CPNE3: variants seen among roughly 807,000 people sequenced by gnomAD.
CPNE3 encodes copine-3.
Under a neutral mutation model 63.9 loss-of-function variants are expected in CPNE3, and 68 were observed. That is an observed-to-expected ratio of 1.06 (90% CI 0.87 to 1.30). The LOEUF is 1.30. Ranked by LOEUF, CPNE3 falls within the 50% of genes most tolerant of loss-of-function variation. CPNE3 has a pLI of 0.00. For missense variants in CPNE3, 665 were observed against 578.1 expected, an observed-to-expected ratio of 1.15 and a Z score of -1.54; for synonymous variants, 219 against 197.5, an observed-to-expected ratio of 1.11 and a Z score of -0.91.
intron 2 of CPNE3, among the ~76,000 whole-genome samples, chr8:86,525,751 C>T (rs1820527683): frequency 6.6e-6 from 1 of 152,154 alleles, no homozygotes; most frequent in Non-Finnish European, 1.5e-5. Flanking sequence ...GAAGACTTTT[C>T]TGCTGGCTGG....
intron 6 of CPNE3, among the ~76,000 whole-genome samples, chr8:86,533,944 T>C (rs1344681182): frequency 6.6e-6 from 1 of 152,154 alleles, no homozygotes; most frequent in African/African-American, 2.4e-5. Flanking sequence ...TGGAGAAAAC[T>C]GATTTCTTTA....
At chr8:86,532,149 C>G (rs1370079964) in intron 5 of CPNE3, among the ~76,000 whole-genome samples, 2 of 152,152 alleles carry the variant, frequency 1.3e-5, no homozygotes, top group Non-Finnish European at 2.9e-5. Context: ...ATAGAGTATT[C>G]TAGGTATGAT....
At chr8:86,539,660 G>GTTT (rs369540210) in intron 7 of CPNE3, among the ~76,000 whole-genome samples, 4,281 of 108,086 alleles carry the variant, frequency 0.04, 491 homozygotes, top group African/African-American at 0.067. Context: ...ATCCTCCGCA[G>GTTT]TTTTTTTTTT....
intron 14 of CPNE3, among the ~76,000 whole-genome samples, chr8:86,553,470 T>C (rs1237179532): frequency 6.6e-6 from 1 of 152,176 alleles, no homozygotes; most frequent in African/African-American, 2.4e-5. Context: ...ATTTTTACTG[T>C]AAAGACATAG....
At chr8:86,530,170 CTTTTTT>C (rs71275863) in intron 4 of CPNE3, among the ~76,000 whole-genome samples, 1 of 122,630 alleles carries the variant, frequency 8.2e-6, no homozygotes. Context: ...AAATTGAATC[CTTTTTT>C]TTTTTTTTTT....
At chr8:86,547,513 A>G (rs147992043) in intron 10 of CPNE3, 198 bp from the exon 11 acceptor site, 4 of 513,780 alleles carry the variant, frequency 7.8e-6, no homozygotes, top group East Asian at 6.7e-5. Context: ...TAACATTGCT[A>G]CAATTATCTT....
At chr8:86,524,681 A>ATTTTTTTTT (rs33934876) in intron 2 of CPNE3, 16 of 106,086 alleles carry the variant, frequency 1.5e-4, no homozygotes, top group East Asian at 2.7e-4. Context: ...CCTCATCATA[A>ATTTTTTTTT]TTTTTTTTTT....
intron 6 of CPNE3, among the ~76,000 whole-genome samples, chr8:86,533,946 A>G (rs980354845): frequency 1.3e-5 from 2 of 151,932 alleles, no homozygotes; most frequent in South Asian, 4.1e-4. Context: ...GAGAAAACTG[A>G]TTTCTTTATC....
intron 10 of CPNE3, 157 bp from the exon 11 acceptor site, chr8:86,547,553 TA>T (rs3217491): frequency 0.24 from 136,492 of 569,064 alleles, 17,698 homozygotes; most frequent in Non-Finnish European, 0.27. Flanking sequence ...TCATGGCACA[TA>T]GGGGAAGGGG....
chr8:86,553,749 G>GTT (rs35185836), intron 14 of CPNE3, among the ~76,000 whole-genome samples: 12,934 of 137,608 alleles, frequency 0.094, 849 homozygotes, highest in East Asian at 0.33. Flanking sequence ...TTTACATTAA[G>GTT]TTTTTTTTTT....
chr8:86,542,593 A>G (rs1379240978), intron 8 of CPNE3, among the ~76,000 whole-genome samples: 1 of 151,782 alleles, frequency 6.6e-6, no homozygotes, highest in Non-Finnish European at 1.5e-5. Context: ...ATATGAATAC[A>G]TGTATATATT....
chr8:86,536,208 A>G (rs1282238279), intron 6 of CPNE3, among the ~76,000 whole-genome samples: 1 of 150,230 alleles, frequency 6.7e-6, no homozygotes, highest in Non-Finnish European at 1.5e-5. Context: ...GTGTGTATGT[A>G]TACTCATGTG....
At chr8:86,550,081 A>C (rs1019275483) in intron 12 of CPNE3, among the ~76,000 whole-genome samples, 2 of 152,258 alleles carry the variant, frequency 1.3e-5, no homozygotes, top group Non-Finnish European at 2.9e-5. Context: ...GTTTTAGAAG[A>C]AAGTGTATGT....
intron 10 of CPNE3, 65 bp from the exon 11 acceptor site, chr8:86,547,646 A>G (rs1162882801): frequency 1.3e-6 from 1 of 757,898 alleles, no homozygotes; most frequent in East Asian, 2.6e-5. Flanking sequence ...AATATATGCC[A>G]AAGAGTTTTT....
chr8:86,516,220 T>G (rs1309993487), intron 2 of CPNE3, among the ~76,000 whole-genome samples: 1 of 152,156 alleles, frequency 6.6e-6, no homozygotes, highest in Non-Finnish European at 1.5e-5. Flanking sequence ...AAGTCTGCAG[T>G]TCTCTTTCAG....
In CPNE3 at chr8:86,558,647, T is replaced by C. The variant is rs1351065918; in HGVS notation, c.*237T>C. ...CAATTTACATTAATTGCAGTAAAGC[T>C]CTTTGGATTAGAAATTAGTGTGGGG... On this transcript the variant is annotated 3_prime_UTR_variant, in exon 17 of 17. Transcript: ENST00000517490. 4.9e-6 allele frequency: 2 copies of C among 411,362 alleles called. No individual in the cohort carries two copies. The highest frequency in any genetic ancestry group is 4.0e-5 in the South Asian group (1 of 24,808). The allele number at this position is 411,362 out of a possible 1,614,324, so 25.5% of individuals were successfully genotyped here. A position where few individuals can be genotyped will look rare whatever the true frequency, so the allele number is the denominator to read the frequency against.
At position 86,559,621 on chromosome 8, in the gene CPNE3, G is replaced by A. The variant is rs1470205836; in HGVS notation, c.*1211G>A. 2 of 151,728 alleles carry A rather than the reference G, an allele frequency of 1.3e-5. No individual in the cohort carries two copies. Among genetic ancestry groups the A allele is most frequent in the Non-Finnish European group, 2.9e-5 (2 of 67,988 alleles). The allele number at this position is 151,728 out of a possible 1,614,324, so 9.4% of individuals were successfully genotyped here. ...CTTTTCCAACTGCTGCATTAAGATA[G>A]GGTGGATTTTATGTGCTTTTTTTTT... On this transcript the variant is annotated 3_prime_UTR_variant, in exon 17 of 17. Coordinates refer to ENST00000517490, the MANE Select transcript of CPNE3 (RefSeq NM_003909.5).
chr8:86,548,339 G>T lies in CPNE3; in HGVS notation c.918G>T (p.Arg306Ser). 10 of 1,614,108 alleles carry T rather than the reference G, an allele frequency of 6.2e-6. No homozygotes were observed. Among genetic ancestry groups the T allele is most frequent in the Non-Finnish European group, 8.5e-6 (10 of 1,180,002 alleles). ...TCACTGGCTCCAATGGTGACCCAAG[G>T]TCTCCAGACTCCCTTCATTACATCA... ...VDFTGSNGDPRSPDSLHYISP... is the reference protein window; with the variant it reads ...VDFTGSNGDPSSPDSLHYISP... The change falls in exon 12 of 17, where the codon AGG (arginine) becomes AGT (serine). Residue 306 changes from arginine to serine, a missense_variant. Transcript: ENST00000517490.
intron 2 of CPNE3, among the ~76,000 whole-genome samples, chr8:86,527,149 G>A (rs924797749): frequency 1.1e-4 from 17 of 152,144 alleles, no homozygotes; most frequent in African/African-American, 3.9e-4. Flanking sequence ...AAATCTCAAA[G>A]TGGAGGGCAA....
Sources: gnomAD v4.1 joint callset for allele counts (sites outside exome capture counted in the v4.1 genomes callset) on GRCh38, gnomAD v4.1.1 for gene constraint, MANE v1.5 for transcripts, NCBI Gene and HGNC (gene_info 2026-07-23, HGNC 2026-07-21) for gene names.